The following ANKRD28 variants were observed in gnomAD, a reference collection of about 807,000 sequenced individuals.
ANKRD28 encodes the protein serine/threonine-protein phosphatase 6 regulatory ankyrin repeat subunit A.
In ANKRD28, 44 loss-of-function variants were observed where a neutral mutation model predicts 126.5. The observed-to-expected ratio is 0.35, with a 90% CI of 0.27 to 0.45. The LOEUF (loss-of-function observed/expected upper bound fraction) is 0.45, where lower values mean the gene tolerates loss of function less well. Among genes scored for constraint, ANKRD28 ranks in the 20% least tolerant of loss-of-function variants. The pLI, the probability that ANKRD28 is intolerant of heterozygous loss-of-function variation, is 1.00. For missense variants in ANKRD28, 1,110 were observed against 1,316.6 expected (o/e 0.84, Z 2.43); for synonymous variants, 442 against 468.5 (o/e 0.94, Z 0.73).
chr3:15,750,665 C>T (rs2057801731), intron 4 of ANKRD28, among the ~76,000 whole-genome samples: 2 of 152,116 alleles, frequency 1.3e-5, no homozygotes, highest in African/African-American at 4.8e-5. Flanking sequence ...CTTCACTTGC[C>T]CAGCTATTGC....
In ANKRD28 at chr3:15,816,366, G is replaced by T. The variant is rs1476989337; in HGVS notation, c.28-21060C>A. ...ACACAAGAATAGTTTCAGGTTTCAT[G>T]AAACTTACACAAAATCTCTCATGTA... On this transcript the variant is annotated intron_variant, in intron 1 of 27. Coordinates refer to the ANKRD28 transcript ENST00000399451. This position sits in a 1 kb window ranked among gnomAD's most constrained non-coding sequence, Gnocchi z 5.0. Among the ~76,000 whole-genome samples the T allele has an allele frequency of 2.6e-5, 4 of 152,120 alleles. No individual in the cohort carries two copies. Among genetic ancestry groups the T allele is most frequent in the African/African-American group, 9.7e-5 (4 of 41,430 alleles).
chr3:15,832,974 A>G (rs949453926), intron 1 of ANKRD28, among the ~76,000 whole-genome samples: 3 of 152,184 alleles, frequency 2.0e-5, no homozygotes, highest in Non-Finnish European at 4.4e-5. Flanking sequence ...AAATGGTATC[A>G]CTATTTTTAG....
intron 2 of ANKRD28, among the ~76,000 whole-genome samples, chr3:15,771,324 C>G (rs9878900): frequency 0.041 from 6,164 of 150,796 alleles, 412 homozygotes; most frequent in African/African-American, 0.14. Context: ...GCAGCAGAAT[C>G]GCTTGAACCT....
intron 3 of ANKRD28, among the ~76,000 whole-genome samples, chr3:15,765,239 T>C (rs936811357): frequency 6.6e-6 from 1 of 152,188 alleles, no homozygotes; most frequent in Non-Finnish European, 1.5e-5. Context: ...CTGACCACAA[T>C]AGGAGCTATT....
chr3:15,724,397 T>C lies in ANKRD28; in HGVS notation c.768A>G (p.Leu256=). ...SGMISVVKYL[L]DLGVDMNEPN... is the part of the protein sequence containing the mutation. ...ATATACCTACATCAACTCCAAGATC[T>C]AGAAGGTACTTGACTACGCTGATCA... Residue 256 remains leucine (L), a synonymous_variant, in exon 7 of 28, where the codon CTA becomes CTG. Coordinates refer to ENST00000683139, the MANE Select transcript of ANKRD28 (RefSeq NM_001349278.2). The C allele has an allele frequency of 1.2e-6, 2 of 1,606,508 alleles. No individual in the cohort carries two copies. Among genetic ancestry groups the C allele is most frequent in the Non-Finnish European group, 1.7e-6 (2 of 1,176,092 alleles).
chr3:15,803,060 A>AGTGG (rs2060496521), intron 1 of ANKRD28, among the ~76,000 whole-genome samples: 1 of 152,226 alleles, frequency 6.6e-6, no homozygotes, highest in Non-Finnish European at 1.5e-5. Context: ...CAGTTGGAGA[A>AGTGG]GTGGGTATGG....
intron 1 of ANKRD28, among the ~76,000 whole-genome samples, chr3:15,847,416 T>C (rs896027395): frequency 3.3e-5 from 5 of 152,206 alleles, no homozygotes; most frequent in Admixed American, 1.3e-4. Flanking sequence ...TGCTGGGCCA[T>C]GAGCTTTTTC....
chr3:15,814,330 C>A lies in ANKRD28; in HGVS notation c.28-19024G>T. 1 of 1,261,496 alleles carries A rather than the reference C, an allele frequency of 7.9e-7. No homozygotes were observed. The highest frequency in any genetic ancestry group is 1.3e-5 in the South Asian group (1 of 76,980). 78.1% of individuals were successfully genotyped at this position (1,261,496 alleles called of 1,614,324 possible). On this transcript the variant is annotated intron_variant, in intron 1 of 27. Transcript: ENST00000399451. This position sits in a 1 kb window ranked among gnomAD's most constrained non-coding sequence, Gnocchi z 4.7. ...CAGGCCTGTAGCAGAAAACAGATAT[C>A]AAAAGAAAGAATACGCTGATCCTAG...
chr3:15,695,389 A>T (rs566584989), intron 15 of ANKRD28, among the ~76,000 whole-genome samples, 175 bp from the exon 16 acceptor site: 1 of 152,242 alleles, frequency 6.6e-6, no homozygotes, highest in East Asian at 1.9e-4. Context: ...AAATCTATAT[A>T]CATAGGTCTA....
chr3:15,731,142 C>G (rs1459984667), intron 6 of ANKRD28, among the ~76,000 whole-genome samples: 1 of 152,172 alleles, frequency 6.6e-6, no homozygotes, highest in Non-Finnish European at 1.5e-5. Flanking sequence ...GTCCAGGAAA[C>G]ACAGAATATC....
At chr3:15,680,094 G>A (rs944283432) in intron 21 of ANKRD28, among the ~76,000 whole-genome samples, 17 of 152,118 alleles carry the variant, frequency 1.1e-4, no homozygotes, top group African/African-American at 4.1e-4. Context: ...AACGAGAAAT[G>A]ACTGTGCTAT....
At chr3:15,855,545 C>T (rs1287266630) in intron 1 of ANKRD28, among the ~76,000 whole-genome samples, 1 of 152,160 alleles carries the variant, frequency 6.6e-6, no homozygotes, top group Non-Finnish European at 1.5e-5. Context: ...ATGCATACCA[C>T]GGAAGGCAGT....
chr3:15,706,424 CT>C (rs1040984121), intron 14 of ANKRD28, among the ~76,000 whole-genome samples: 9 of 141,512 alleles, frequency 6.4e-5, no homozygotes, highest in Admixed American at 2.2e-4. Flanking sequence ...TAAACTCCTC[CT>C]TTTTTATGGC....
chr3:15,794,076 AATAC>A (rs59495170), intron 2 of ANKRD28, among the ~76,000 whole-genome samples: 2 of 151,918 alleles, frequency 1.3e-5, no homozygotes, highest in Admixed American at 6.5e-5. Context: ...TCTCTAAATA[AATAC>A]ATACATACAT....
At chr3:15,754,095 AAT>A in intron 3 of ANKRD28, among the ~76,000 whole-genome samples, 1 of 152,332 alleles carries the variant, frequency 6.6e-6, no homozygotes, top group Middle Eastern at 3.4e-3. Flanking sequence ...CTTATCACAC[AAT>A]GGTCCCCCCT....
In ANKRD28 at chr3:15,721,149, C is replaced by A. The variant is rs773799475; in HGVS notation, c.784-22G>T. The A allele has an allele frequency of 4.4e-6, 7 of 1,586,640 alleles. No homozygotes were observed. The East Asian group carries it at 9.0e-5, about 20-fold the overall frequency. On this transcript the variant is annotated intron_variant, in intron 7 of 27. Coordinates refer to ENST00000683139, the MANE Select transcript of ANKRD28 (RefSeq NM_001349278.2). ...TCATCTATTAGAAGGGAAAAAAATG[C>A]GAATGTTAAAGTAGTTTTGCTAATT...
chr3:15,833,341 T>C lies in ANKRD28; in HGVS notation c.27+26036A>G, dbSNP rs1311318754. 1.3e-5 allele frequency among the ~76,000 whole-genome samples: 2 copies of C among 152,098 alleles called. No homozygotes were observed. The highest frequency in any genetic ancestry group is 2.9e-5 in the Non-Finnish European group (2 of 68,012). On this transcript the variant is annotated intron_variant, in intron 1 of 27. Coordinates refer to the ANKRD28 transcript ENST00000399451. This position sits in a 1 kb window ranked among gnomAD's most constrained non-coding sequence, Gnocchi z 4.4. ...TACATCTTTCTCCTGTGCTGGATAC[T>C]TCCTGCCCTCAAGCATTGGACTCCA...
chr3:15,722,601 AT>A lies in ANKRD28; in HGVS notation c.784-1475del, dbSNP rs576731821. ...AAGCCCTCTAAACTTATAGTTGGTC[AT>A]AAGTAAAGGGTGGCCTTGTGTGGAA... is the stretch of plus-strand genomic sequence containing the variant. On this transcript the variant is annotated intron_variant, in intron 7 of 27. Transcript: ENST00000683139. 1.6e-4 allele frequency among the ~76,000 whole-genome samples: 24 copies of A among 152,360 alleles called. 1 individual carries two copies. In the South Asian group the frequency reaches 5.0e-3, roughly 32 times the overall value.
At chr3:15,733,020 A>G (rs1457093129) in intron 6 of ANKRD28, 2 of 152,254 alleles carry the variant, frequency 1.3e-5, no homozygotes, top group African/African-American at 4.8e-5. Flanking sequence ...CAAAAAAGTT[A>G]GCCAGGTGTG....
Sources: allele counts gnomAD v4.1 joint callset (sites outside exome capture counted in the v4.1 genomes callset), GRCh38; gene constraint gnomAD v4.1.1; non-coding constraint Gnocchi (gnomAD v3.1); transcripts MANE v1.5; gene names NCBI Gene and HGNC (gene_info 2026-07-23, HGNC 2026-07-21).